Variants in LUZP2 observed in about 807,000 individuals in gnomAD.
LUZP2 encodes leucine zipper protein 2.
Under a neutral mutation model 51.6 loss-of-function variants are expected in LUZP2, and 52 were observed. That is an observed-to-expected ratio of 1.01 (90% CI 0.81 to 1.27). The LOEUF (loss-of-function observed/expected upper bound fraction) is 1.27. Among genes scored for constraint, LUZP2 ranks in the 50% most tolerant of loss-of-function variants. LUZP2 has a pLI of 0.00. For missense variants in LUZP2, 436 were observed against 395.4 expected (o/e 1.10, Z -0.87); for synonymous variants, 154 against 137.3 (o/e 1.12, Z -0.85).
At chr11:24,904,024 A>G (rs1216099490) in intron 5 of LUZP2, among the ~76,000 whole-genome samples, 2 of 152,130 alleles carry the variant, frequency 1.3e-5, no homozygotes, top group Non-Finnish European at 2.9e-5. Context: ...ATAGTAATCA[A>G]TTTTTAATTT....
chr11:24,935,140 CCTT>C (rs1854553325), intron 7 of LUZP2, among the ~76,000 whole-genome samples: 1 of 152,114 alleles, frequency 6.6e-6, no homozygotes. Context: ...GAATTGCTGA[CCTT>C]CTTTACATAT....
intron 5 of LUZP2, among the ~76,000 whole-genome samples, chr11:24,834,982 T>C (rs11028203): frequency 0.16 from 23,803 of 152,124 alleles, 2,067 homozygotes; most frequent in African/African-American, 0.22. Flanking sequence ...TCCTTGTAGA[T>C]TCTGGATATT....
At chr11:24,652,197 G>A (rs1377465056) in intron 1 of LUZP2, among the ~76,000 whole-genome samples, 1 of 152,070 alleles carries the variant, frequency 6.6e-6, no homozygotes, top group Non-Finnish European at 1.5e-5. Flanking sequence ...CTGCAAAGAA[G>A]AGATTTGAAC....
Position 25,079,339 on chromosome 11 carries a change from C to T in LUZP2, c.*681C>T, listed in dbSNP as rs2134066087. 6.6e-6 allele frequency: 1 copy of T among 152,250 alleles called. No homozygotes were observed. 9.4% of individuals were successfully genotyped at this position (152,250 alleles called of 1,614,324 possible). ...ATATTTTGGCATTCTATAGACACAT[C>T]TCCTATGTATGTCTACTGTAATTAA... On this transcript the variant is annotated 3_prime_UTR_variant, in exon 12 of 12. Transcript: ENST00000336930.
intron 9 of LUZP2, among the ~76,000 whole-genome samples, chr11:24,987,104 A>T (rs1452363708): frequency 6.6e-6 from 1 of 151,924 alleles, no homozygotes. Flanking sequence ...AAAAATTCAC[A>T]TAAAACATTA....
At chr11:24,695,407 G>C (rs936290118) in intron 1 of LUZP2, among the ~76,000 whole-genome samples, 2 of 151,964 alleles carry the variant, frequency 1.3e-5, no homozygotes, top group Non-Finnish European at 2.9e-5. Flanking sequence ...ATTGTGTAAT[G>C]ATAAAATTAT....
intron 5 of LUZP2, among the ~76,000 whole-genome samples, chr11:24,763,767 TG>T (rs1402271468): frequency 6.6e-6 from 1 of 152,196 alleles, no homozygotes; most frequent in Non-Finnish European, 1.5e-5. Context: ...GCCTTTAAAA[TG>T]TAAGCATCCT....
At chr11:24,640,299 T>C (rs1855236390) in intron 1 of LUZP2, among the ~76,000 whole-genome samples, 1 of 151,898 alleles carries the variant, frequency 6.6e-6, no homozygotes, top group African/African-American at 2.4e-5. Context: ...TTACTAACTA[T>C]GTAAACAAAT....
At chr11:24,747,611 C>T (rs2134001977) in intron 4 of LUZP2, among the ~76,000 whole-genome samples, 2 of 152,164 alleles carry the variant, frequency 1.3e-5, no homozygotes, top group Middle Eastern at 6.8e-3. Context: ...CTAAAACTCC[C>T]AAGAGTATAT....
At chr11:24,714,066 T>C (rs898795298) in intron 1 of LUZP2, among the ~76,000 whole-genome samples, 1 of 151,908 alleles carries the variant, frequency 6.6e-6, no homozygotes. Context: ...CAATACAGTA[T>C]AAAAACTACT....
rs148061839 is a variant in LUZP2 at position 24,905,892 on chromosome 11, A to G, written c.397-99A>G. On this transcript the variant is annotated intron_variant, in intron 5 of 11. Coordinates refer to ENST00000336930, the MANE Select transcript of LUZP2 (RefSeq NM_001009909.4). ...ATTACATTTTACATCATGAAGGTCTAATTTTTGAACAGAACATAAAGCAAT... is the reference window on the plus strand; with the variant it reads ...ATTACATTTTACATCATGAAGGTCTGATTTTTGAACAGAACATAAAGCAAT... 1,848 of 763,352 alleles carry G rather than the reference A, an allele frequency of 2.4e-3. 27 individuals are homozygous for G. The African/African-American group carries it at 0.027, about 11-fold the overall frequency. The allele number at this position is 763,352 out of a possible 1,614,324, so 47.3% of individuals were successfully genotyped here. A position where few individuals can be genotyped will look rare whatever the true frequency, so the allele number is the denominator to read the frequency against.
At chr11:24,621,932 T>G (rs1371861420) in intron 1 of LUZP2, among the ~76,000 whole-genome samples, 1 of 151,142 alleles carries the variant, frequency 6.6e-6, no homozygotes, top group Non-Finnish European at 1.5e-5. Context: ...TTGTGAACAC[T>G]GCAAAACACT....
intron 5 of LUZP2, among the ~76,000 whole-genome samples, chr11:24,781,716 T>G (rs1185029993): frequency 6.6e-6 from 1 of 151,890 alleles, no homozygotes; most frequent in East Asian, 1.9e-4. Flanking sequence ...AGAAAGGAAG[T>G]TTTTTTTAAT....
intron 7 of LUZP2, among the ~76,000 whole-genome samples, chr11:24,948,213 T>A (rs1854952445): frequency 6.6e-6 from 1 of 151,654 alleles, no homozygotes; most frequent in Non-Finnish European, 1.5e-5. Context: ...GCATCATGAG[T>A]GATTTTTTTT....
chr11:24,996,602 A>C (rs1590815231), intron 9 of LUZP2, among the ~76,000 whole-genome samples: 1 of 141,220 alleles, frequency 7.1e-6, no homozygotes, highest in African/African-American at 2.6e-5. Flanking sequence ...ATTTTATTTT[A>C]TTTTATTTTA....
rs905198116 is a variant in LUZP2 at position 24,590,784 on chromosome 11, T to C, written c.62+93479T>C. Among the ~76,000 whole-genome samples the C allele has an allele frequency of 3.9e-5, 6 of 152,176 alleles. No homozygotes were observed. In the East Asian group the frequency reaches 9.6e-4, roughly 24 times the overall value. The stretch of plus-strand genomic sequence containing the variant: ...AATCTCAGGATATATGTGTTTTTTT[T>C]CCCCCATGAATATCTTGTCCTTACC... On this transcript the variant is annotated intron_variant, in intron 1 of 11. Coordinates refer to ENST00000336930, the MANE Select transcript of LUZP2 (RefSeq NM_001009909.4).
chr11:24,925,006 G>GA (rs200568179), intron 7 of LUZP2, among the ~76,000 whole-genome samples: 19 of 150,472 alleles, frequency 1.3e-4, no homozygotes, highest in Admixed American at 7.9e-4. Flanking sequence ...TCCTGGCTCA[G>GA]AAAAAAAAAT....
At chr11:24,821,429 C>G (rs1197362459) in intron 5 of LUZP2, among the ~76,000 whole-genome samples, 36 of 152,022 alleles carry the variant, frequency 2.4e-4, no homozygotes, top group Non-Finnish European at 1.5e-4. Flanking sequence ...ACATTAACAC[C>G]TTATTAATTT....
intron 1 of LUZP2, among the ~76,000 whole-genome samples, chr11:24,530,625 G>A (rs200403869): frequency 6.6e-6 from 1 of 150,618 alleles, no homozygotes; most frequent in Non-Finnish European, 1.5e-5. Context: ...AGTATGGCTT[G>A]TCTCACTTTC....
Sources: gnomAD v4.1 joint callset for allele counts (sites outside exome capture counted in the v4.1 genomes callset) on GRCh38, gnomAD v4.1.1 for gene constraint, MANE v1.5 for transcripts, NCBI Gene and HGNC (gene_info 2026-07-23, HGNC 2026-07-21) for gene names.